The following KCTD8 variants were observed in gnomAD, a reference collection of about 807,000 sequenced individuals.
KCTD8 encodes potassium channel tetramerization domain containing 8, also known as BTB/POZ domain-containing protein KCTD8.
In KCTD8, 27 loss-of-function variants were observed where a neutral mutation model predicts 31.5. The observed-to-expected ratio is 0.86, with a 90% CI of 0.63 to 1.18. The LOEUF is 1.18. KCTD8 is among the 50% of genes most tolerant of loss of function. The pLI is 0.00. For missense variants in KCTD8, 658 were observed against 647.7 expected (o/e 1.02, Z -0.17); for synonymous variants, 290 against 280.0 (o/e 1.04, Z -0.36).
intron 1 of KCTD8, among the ~76,000 whole-genome samples, chr4:44,199,161 T>C (rs1046252324): frequency 1.3e-5 from 2 of 152,050 alleles, no homozygotes; most frequent in Non-Finnish European, 2.9e-5. Context: ...CAAGTTCTTT[T>C]TGACTACAAA....
intron 1 of KCTD8, among the ~76,000 whole-genome samples, chr4:44,288,036 C>G (rs1371916831): frequency 6.6e-6 from 1 of 152,092 alleles, no homozygotes; most frequent in East Asian, 1.9e-4. Flanking sequence ...GCTAACAGTC[C>G]TTTAGTTGAA....
At chr4:44,328,924 G>A (rs1169147651) in intron 1 of KCTD8, among the ~76,000 whole-genome samples, 1 of 151,804 alleles carries the variant, frequency 6.6e-6, no homozygotes, top group Admixed American at 6.6e-5. Context: ...GTCCCCATTC[G>A]GTAGACACTT....
intron 1 of KCTD8, among the ~76,000 whole-genome samples, chr4:44,423,038 C>A (rs1199923894): frequency 6.6e-6 from 1 of 152,042 alleles, no homozygotes; most frequent in African/African-American, 2.4e-5. Flanking sequence ...GTCAGCAGTT[C>A]TCAACCAGGG....
chr4:44,251,981 T>C (rs1165106593), intron 1 of KCTD8, among the ~76,000 whole-genome samples: 1 of 151,716 alleles, frequency 6.6e-6, no homozygotes, highest in Non-Finnish European at 1.5e-5. Context: ...GTGTACACTA[T>C]ACCTAATGTG....
At chr4:44,250,897 A>G (rs1411290116) in intron 1 of KCTD8, among the ~76,000 whole-genome samples, 3 of 151,638 alleles carry the variant, frequency 2.0e-5, no homozygotes, top group East Asian at 1.9e-4. Context: ...AGTCATTTTG[A>G]GTTTTGTCTT....
At chr4:44,207,806 T>C (rs557293849) in intron 1 of KCTD8, among the ~76,000 whole-genome samples, 2 of 152,148 alleles carry the variant, frequency 1.3e-5, no homozygotes, top group Non-Finnish European at 2.9e-5. Context: ...CAGAAAAACA[T>C]ACTGTTTTCT....
intron 1 of KCTD8, among the ~76,000 whole-genome samples, chr4:44,330,385 C>T (rs1422270577): frequency 1.3e-5 from 2 of 151,810 alleles, no homozygotes; most frequent in African/African-American, 2.4e-5. Flanking sequence ...CCAAATTTCT[C>T]TTCTTAGTTT....
At chr4:44,324,044 T>TAAAAAAAAAAA (rs34203587) in intron 1 of KCTD8, among the ~76,000 whole-genome samples, 2 of 117,236 alleles carry the variant, frequency 1.7e-5, no homozygotes, top group African/African-American at 3.6e-5. Flanking sequence ...AAAGTATAAT[T>TAAAAAAAAAAA]AAAAAAAAAA....
intron 1 of KCTD8, among the ~76,000 whole-genome samples, chr4:44,408,619 G>GTGTT (rs940974889): frequency 2.0e-5 from 3 of 152,070 alleles, no homozygotes; most frequent in Non-Finnish European, 2.9e-5. Context: ...TAGTATTAGG[G>GTGTT]TGTTTGTTTG....
chr4:44,212,278 C>T (rs1714510417), intron 1 of KCTD8, among the ~76,000 whole-genome samples: 1 of 152,194 alleles, frequency 6.6e-6, no homozygotes, highest in African/African-American at 2.4e-5. Flanking sequence ...TGATACTCTA[C>T]TCTAATTATT....
At chr4:44,425,605 T>G (rs1054960902) in intron 1 of KCTD8, among the ~76,000 whole-genome samples, 1 of 151,948 alleles carries the variant, frequency 6.6e-6, no homozygotes, top group Non-Finnish European at 1.5e-5. Context: ...TTGATGAATG[T>G]TTAAAGAATC....
chr4:44,328,367 T>A lies in KCTD8; in HGVS notation c.961+119196A>T, dbSNP rs1440330134. Among the ~76,000 whole-genome samples the A allele has an allele frequency of 1.7e-4, 26 of 151,946 alleles. 1 individual carries two copies. The highest frequency in any genetic ancestry group is 6.3e-4 in the African/African-American group (26 of 41,274). On this transcript the variant is annotated intron_variant, in intron 1 of 1. Coordinates refer to ENST00000360029, the MANE Select transcript of KCTD8 (RefSeq NM_198353.3). ...TCTCTCCTAACACCTACTAAATGTT[T>A]CTTCTCTGACTACAACAAATAGATT...
intron 1 of KCTD8, among the ~76,000 whole-genome samples, chr4:44,379,467 T>C (rs1452629936): frequency 6.6e-6 from 1 of 152,106 alleles, no homozygotes; most frequent in African/African-American, 2.4e-5. Context: ...ATATACTTGA[T>C]CCTGGCCAAG....
intron 1 of KCTD8, among the ~76,000 whole-genome samples, chr4:44,218,640 G>A (rs1352649615): frequency 1.3e-5 from 2 of 148,222 alleles, no homozygotes; most frequent in Non-Finnish European, 3.0e-5. Context: ...AATAAATAAA[G>A]AAAAAAAAAT....
chr4:44,310,511 T>G (rs1717918811), intron 1 of KCTD8, among the ~76,000 whole-genome samples: 1 of 152,152 alleles, frequency 6.6e-6, no homozygotes, highest in Non-Finnish European at 1.5e-5. Context: ...CTGGCATTGC[T>G]GGTTAATCAC....
At chr4:44,267,071 C>T (rs1716400956) in intron 1 of KCTD8, among the ~76,000 whole-genome samples, 1 of 152,102 alleles carries the variant, frequency 6.6e-6, no homozygotes, top group South Asian at 2.1e-4. Flanking sequence ...AACTCTCCAC[C>T]CCAAATCAAC....
intron 1 of KCTD8, among the ~76,000 whole-genome samples, chr4:44,327,910 T>TA (rs1358126099): frequency 3.3e-5 from 5 of 151,892 alleles, no homozygotes; most frequent in Admixed American, 2.6e-4. Context: ...TAATTTAAAA[T>TA]ACAAACATTT....
intron 1 of KCTD8, among the ~76,000 whole-genome samples, chr4:44,180,603 A>G (rs1240018771): frequency 6.6e-6 from 1 of 151,954 alleles, no homozygotes; most frequent in African/African-American, 2.4e-5. Context: ...ACACACACAC[A>G]CACACACACA....
chr4:44,198,374 G>T (rs1005165980), intron 1 of KCTD8, among the ~76,000 whole-genome samples: 5 of 152,016 alleles, frequency 3.3e-5, no homozygotes, highest in African/African-American at 9.7e-5. Context: ...TAAGACAAAT[G>T]CAAAAGAAAA....
Sources: gnomAD v4.1 joint callset for allele counts (sites outside exome capture counted in the v4.1 genomes callset) on GRCh38, gnomAD v4.1.1 for gene constraint, MANE v1.5 for transcripts, NCBI Gene and HGNC (gene_info 2026-07-23, HGNC 2026-07-21) for gene names.